Variants in VWA8 observed in about 807,000 individuals in gnomAD.
The protein encoded by VWA8 is von Willebrand factor A domain containing 8, also known as von Willebrand factor A domain-containing protein 8.
VWA8 carries 221 observed loss-of-function variants against 241.5 expected under a neutral mutation model. The observed-to-expected ratio is 0.91, with a 90% CI of 0.82 to 1.02. VWA8 has a LOEUF of 1.02. Among genes scored for constraint, VWA8 ranks in the 50% least tolerant of loss-of-function variants. The pLI, the probability that VWA8 is intolerant of heterozygous loss-of-function variation, is 0.00. For missense variants in VWA8, 2,322 were observed against 2,328.7 expected, an observed-to-expected ratio of 1.00 and a Z score of 0.06; for synonymous variants, 852 against 827.1, an observed-to-expected ratio of 1.03 and a Z score of -0.52.
At chr13:41,834,352 A>T (rs1871623046) in intron 12 of VWA8, among the ~76,000 whole-genome samples, 1 of 152,242 alleles carries the variant, frequency 6.6e-6, no homozygotes, top group South Asian at 2.1e-4. Flanking sequence ...AGCAAAGAAA[A>T]GTTAAACACA....
intron 21 of VWA8, among the ~76,000 whole-genome samples, chr13:41,732,998 G>C (rs943068090): frequency 2.0e-5 from 3 of 152,148 alleles, no homozygotes; most frequent in Admixed American, 6.5e-5. Context: ...AAAAATATAA[G>C]TAGCGTCTTT....
chr13:41,914,193 T>C (rs948198254), intron 2 of VWA8, among the ~76,000 whole-genome samples: 4 of 152,180 alleles, frequency 2.6e-5, no homozygotes, highest in African/African-American at 4.8e-5. Flanking sequence ...ACTCCATCTC[T>C]AAAAGGACAC....
chr13:41,856,195 C>T (rs569994401), intron 12 of VWA8, among the ~76,000 whole-genome samples: 12 of 151,936 alleles, frequency 7.9e-5, no homozygotes, highest in Non-Finnish European at 2.9e-5. Context: ...AATTGGCCAG[C>T]GGGGGTAGCA....
In VWA8 at chr13:41,699,083, G is replaced by A. The variant is rs1411939048; in HGVS notation, c.3552C>T (p.Leu1184=). The change falls in exon 29 of 45, where the codon CTC becomes CTT. Residue 1184 remains leucine (L), a synonymous_variant. Coordinates refer to ENST00000379310, the MANE Select transcript of VWA8 (RefSeq NM_015058.2). ...LGSPLKGQVV[L]HEQQSNVILL... ...TGGTGTGCATTACCTGCTGCTCATG[G>A]AGAACCACTTGACCTTTGAGAGGAC... 7 of 1,613,746 alleles carry A rather than the reference G, an allele frequency of 4.3e-6. No individual in the cohort carries two copies. In the African/African-American group the frequency reaches 5.3e-5, roughly 12 times the overall value.
intron 26 of VWA8, among the ~76,000 whole-genome samples, chr13:41,718,676 G>A (rs2045362214): frequency 6.6e-6 from 1 of 151,040 alleles, no homozygotes; most frequent in South Asian, 2.1e-4. Flanking sequence ...AATAAATATG[G>A]ATGAGTATAC....
chr13:41,896,477 T>C (rs903335570), intron 4 of VWA8, among the ~76,000 whole-genome samples: 2 of 152,086 alleles, frequency 1.3e-5, no homozygotes, highest in Non-Finnish European at 1.5e-5. Flanking sequence ...TTAATAGATA[T>C]GACTACATTC....
chr13:41,642,053 A>T (rs575702021), intron 37 of VWA8, among the ~76,000 whole-genome samples: 1 of 152,302 alleles, frequency 6.6e-6, no homozygotes, highest in African/African-American at 2.4e-5. Flanking sequence ...TTTCAGTCTC[A>T]TCAGCAGAAT....
At chr13:41,589,758 G>C (rs796907051) in intron 41 of VWA8, among the ~76,000 whole-genome samples, 2 of 152,222 alleles carry the variant, frequency 1.3e-5, no homozygotes, top group African/African-American at 4.8e-5. Flanking sequence ...GACAGACTTC[G>C]GTCACAAACC....
intron 40 of VWA8, among the ~76,000 whole-genome samples, chr13:41,602,343 A>C (rs1202804982): frequency 6.6e-6 from 1 of 152,132 alleles, no homozygotes; most frequent in Non-Finnish European, 1.5e-5. Flanking sequence ...CCTAACAAAC[A>C]ATAATGAACT....
intron 8 of VWA8, among the ~76,000 whole-genome samples, chr13:41,885,674 C>G (rs61963099): frequency 0.083 from 12,641 of 152,244 alleles, 681 homozygotes; most frequent in Non-Finnish European, 0.12. Flanking sequence ...GCCTTCCTTC[C>G]CTCTGTAGAA....
At chr13:41,827,002 A>G (rs1052839375) in intron 14 of VWA8, among the ~76,000 whole-genome samples, 5 of 152,230 alleles carry the variant, frequency 3.3e-5, no homozygotes, top group Admixed American at 1.3e-4. Context: ...ATAAGGCAAT[A>G]TATACATAGA....
Position 41,633,733 on chromosome 13 carries a change from T to A in VWA8, c.4612-18649A>T, listed in dbSNP as rs1464044097. On this transcript the variant is annotated intron_variant, in intron 37 of 44. Transcript: ENST00000379310. ...TCACTGATACTGAGCTGCATGGTAATCAGAAACACACAAACAATTCACATA... is the reference window on the plus strand; with the variant it reads ...TCACTGATACTGAGCTGCATGGTAAACAGAAACACACAAACAATTCACATA... Among the ~76,000 whole-genome samples, 4 of 152,164 alleles carry A rather than the reference T, an allele frequency of 2.6e-5. No homozygotes were observed. In the East Asian group the frequency reaches 7.7e-4, roughly 29 times the overall value.
intron 26 of VWA8, among the ~76,000 whole-genome samples, chr13:41,709,763 C>T (rs1309098790): frequency 7.0e-6 from 1 of 142,764 alleles, no homozygotes; most frequent in African/African-American, 2.6e-5. Flanking sequence ...GTCTCTCTGT[C>T]TCTCTCTCTT....
chr13:41,915,088 A>AT (rs1454274091), intron 2 of VWA8, among the ~76,000 whole-genome samples: 3 of 152,172 alleles, frequency 2.0e-5, no homozygotes, highest in Admixed American at 1.3e-4. Flanking sequence ...TTATCTTTTC[A>AT]TTTTTTGAAG....
At chr13:41,685,414 G>C (rs925900383) in intron 34 of VWA8, among the ~76,000 whole-genome samples, 172 bp from the exon 35 acceptor site, 4 of 152,120 alleles carry the variant, frequency 2.6e-5, no homozygotes, top group African/African-American at 9.7e-5. Flanking sequence ...CCAGTACTTT[G>C]GGAGGCCAAG....
In VWA8 at chr13:41,635,438, A is replaced by G. The variant is rs141089941; in HGVS notation, c.4612-20354T>C. Reference sequence around the variant, plus strand: ...CTATTTTTCATAAGAAGTCTTATACATTTAATTTTAAAAACTATGTCCATA... The same window carrying G: ...CTATTTTTCATAAGAAGTCTTATACGTTTAATTTTAAAAACTATGTCCATA... On this transcript the variant is annotated intron_variant, in intron 37 of 44. Coordinates refer to ENST00000379310, the MANE Select transcript of VWA8 (RefSeq NM_015058.2). Among the ~76,000 whole-genome samples, 56 of 152,356 alleles carry G rather than the reference A, an allele frequency of 3.7e-4. 2 individuals carry two copies. The highest frequency in any genetic ancestry group is 1.3e-3 in the African/African-American group (53 of 41,588).
In VWA8 at chr13:41,810,458, T is replaced by C. The variant is rs150542152; in HGVS notation, c.2063+767A>G. On this transcript the variant is annotated intron_variant, in intron 17 of 44. Transcript: ENST00000379310. ...CAGCCATAAAAAAGAATGAATGAAG[T>C]TCTGTCATTTGCAACAACATGGATG... Among the ~76,000 whole-genome samples, 546 of 152,230 alleles carry C rather than the reference T, an allele frequency of 3.6e-3. 3 individuals are homozygous for C. The highest frequency in any genetic ancestry group is 6.7e-3 in the Non-Finnish European group (457 of 67,984).
intron 37 of VWA8, among the ~76,000 whole-genome samples, chr13:41,628,480 G>A (rs577054196): frequency 2.0e-5 from 3 of 152,168 alleles, no homozygotes; most frequent in Non-Finnish European, 4.4e-5. Flanking sequence ...AAATGTGCAT[G>A]TATGCTTATT....
rs1555335045 is a variant in VWA8, at chr13:41,784,727, T to TATATAC, written c.2171-827_2171-826insGTATAT. 1.7e-3 allele frequency among the ~76,000 whole-genome samples: 115 copies of TATATAC among 69,026 alleles called. 4 individuals carry two copies. Among genetic ancestry groups the TATATAC allele is most frequent in the Middle Eastern group, 8.6e-3 (1 of 116 alleles). 45.3% of individuals were successfully genotyped at this position (69,026 alleles called of 152,430 possible). A position where few individuals can be genotyped will look rare whatever the true frequency, so the allele number is the denominator to read the frequency against. On this transcript the variant is annotated intron_variant, in intron 18 of 44. Coordinates refer to ENST00000379310, the MANE Select transcript of VWA8 (RefSeq NM_015058.2). ...ATATATATATATATATATATATATA[T>TATATAC]ATACACACACATATATATATATATA...
Sources: gnomAD v4.1 joint callset for allele counts (sites outside exome capture counted in the v4.1 genomes callset) on GRCh38, gnomAD v4.1.1 for gene constraint, MANE v1.5 for transcripts, NCBI Gene and HGNC (gene_info 2026-07-23, HGNC 2026-07-21) for gene names.